RELN: variants seen among roughly 807,000 people sequenced by gnomAD.
RELN encodes the protein reelin.
A neutral mutation model predicts 427.6 loss-of-function variants in RELN; 108 were observed. The ratio of observed to expected loss-of-function variants is 0.25; its 90% CI spans 0.22 to 0.30. RELN has a LOEUF of 0.30. Ranked by LOEUF, RELN falls within the 10% of genes least tolerant of loss-of-function variation. RELN has a pLI of 1.00. For synonymous variants in RELN, 1,524 were observed against 1,513.4 expected, an observed-to-expected ratio of 1.01 and a Z score of -0.16; for missense variants, 3,715 against 4,302.8, an observed-to-expected ratio of 0.86 and a Z score of 3.82.
At chr7:103,695,657 G>C (rs1228426203) in intron 10 of RELN, among the ~76,000 whole-genome samples, 2 of 152,072 alleles carry the variant, frequency 1.3e-5, no homozygotes, top group Non-Finnish European at 2.9e-5. Context: ...ATGCCATAAA[G>C]GGTACTCAGA....
chr7:103,778,638 A>C (rs1431248055), intron 3 of RELN, among the ~76,000 whole-genome samples: 1 of 152,208 alleles, frequency 6.6e-6, no homozygotes, highest in Non-Finnish European at 1.5e-5. Flanking sequence ...TCTTGTGAGG[A>C]GTCCACACTG....
chr7:103,796,170 C>T (rs571063288), intron 3 of RELN, among the ~76,000 whole-genome samples: 1 of 152,284 alleles, frequency 6.6e-6, no homozygotes, highest in African/African-American at 2.4e-5. Context: ...TACTCAAGCA[C>T]TTATCCCTTT....
At chr7:103,928,511 C>T (rs760757909) in intron 1 of RELN, among the ~76,000 whole-genome samples, 3 of 152,196 alleles carry the variant, frequency 2.0e-5, no homozygotes, top group Non-Finnish European at 4.4e-5. Flanking sequence ...AGACCAACTA[C>T]AGTGATAGAA....
intron 24 of RELN, among the ~76,000 whole-genome samples, chr7:103,601,132 A>ATG (rs1562915671): frequency 7.3e-6 from 1 of 137,848 alleles, no homozygotes; most frequent in Non-Finnish European, 1.6e-5. Flanking sequence ...GTGTGTGTGT[A>ATG]TGTGTATGTG....
At chr7:103,744,218 G>C (rs1283407131) in intron 6 of RELN, among the ~76,000 whole-genome samples, 1 of 152,108 alleles carries the variant, frequency 6.6e-6, no homozygotes, top group Non-Finnish European at 1.5e-5. Flanking sequence ...AAACCAATGA[G>C]AACAAAGACA....
chr7:103,882,016 C>G (rs1008724525), intron 2 of RELN, among the ~76,000 whole-genome samples: 1 of 152,180 alleles, frequency 6.6e-6, no homozygotes, highest in Non-Finnish European at 1.5e-5. Flanking sequence ...ACCAACGAAT[C>G]AACTAACCAA....
chr7:103,651,268 A>G (rs1832908112), intron 15 of RELN, among the ~76,000 whole-genome samples: 1 of 152,106 alleles, frequency 6.6e-6, no homozygotes, highest in Non-Finnish European at 1.5e-5. Context: ...TATACAGAAA[A>G]AAGTGGAAAG....
At chr7:103,716,671 T>C (rs1789946091) in intron 8 of RELN, among the ~76,000 whole-genome samples, 1 of 152,226 alleles carries the variant, frequency 6.6e-6, no homozygotes, top group Non-Finnish European at 1.5e-5. Context: ...TTTTTAGTTC[T>C]AGGTGTGTGC....
At chr7:103,500,180 G>A (rs1828979563) in intron 53 of RELN, among the ~76,000 whole-genome samples, 1 of 152,142 alleles carries the variant, frequency 6.6e-6, no homozygotes, top group South Asian at 2.1e-4. Context: ...ACTGTGTTGG[G>A]TAACTGTATT....
intron 1 of RELN, among the ~76,000 whole-genome samples, chr7:103,966,585 T>G (rs905886900): frequency 2.0e-5 from 3 of 152,166 alleles, no homozygotes; most frequent in African/African-American, 7.2e-5. Context: ...AATAAGGATA[T>G]AAAATATGAA....
At chr7:103,524,976 C>T (rs747341618) in intron 46 of RELN, among the ~76,000 whole-genome samples, 1 of 152,146 alleles carries the variant, frequency 6.6e-6, no homozygotes, top group Non-Finnish European at 1.5e-5. Context: ...TGATATCCGC[C>T]TGAACCTGGG....
intron 27 of RELN, among the ~76,000 whole-genome samples, chr7:103,590,390 T>C (rs549958236): frequency 1.3e-5 from 2 of 152,088 alleles, no homozygotes; most frequent in South Asian, 4.2e-4. Flanking sequence ...GGTAAAACCC[T>C]GTCTCTACTA....
intron 1 of RELN, among the ~76,000 whole-genome samples, chr7:103,956,840 C>A (rs1796443318): frequency 6.6e-6 from 1 of 152,072 alleles, no homozygotes; most frequent in Non-Finnish European, 1.5e-5. Flanking sequence ...ACTGTCCTGG[C>A]AACTTTACAA....
chr7:103,866,984 T>G (rs1794216066), intron 2 of RELN, among the ~76,000 whole-genome samples: 1 of 152,068 alleles, frequency 6.6e-6, no homozygotes. Flanking sequence ...GTTTCAAGGA[T>G]TAAACACCAG....
intron 12 of RELN, among the ~76,000 whole-genome samples, chr7:103,660,339 G>C (rs975632584): frequency 1.3e-5 from 2 of 152,140 alleles, no homozygotes; most frequent in Non-Finnish European, 2.9e-5. Context: ...CCTTTAAATA[G>C]ACAAACCAGT....
intron 57 of RELN, among the ~76,000 whole-genome samples, chr7:103,493,903 G>A (rs569180110): frequency 7.2e-5 from 11 of 152,206 alleles, no homozygotes; most frequent in African/African-American, 2.6e-4. Context: ...AAATTTTTGA[G>A]GATAGACTCT....
At chr7:103,879,362 G>A (rs1482401830) in intron 2 of RELN, among the ~76,000 whole-genome samples, 1 of 152,156 alleles carries the variant, frequency 6.6e-6, no homozygotes, top group Non-Finnish European at 1.5e-5. Flanking sequence ...TTACAAGTCA[G>A]GCAGAGATAA....
Position 103,920,593 on chromosome 7 carries a change from T to TTTTTTTTTTTTTTGA in RELN, c.227-3409_227-3408insTCAAAAAAAAAAAAA, listed in dbSNP as rs57282777. 6.0e-4 allele frequency among the ~76,000 whole-genome samples: 78 copies of TTTTTTTTTTTTTTGA among 129,372 alleles called. 1 individual carries two copies. Among genetic ancestry groups the TTTTTTTTTTTTTTGA allele is most frequent in the African/African-American group, 2.2e-3 (72 of 32,822 alleles). 84.9% of individuals were successfully genotyped at this position (129,372 alleles called of 152,430 possible). On this transcript the variant is annotated intron_variant, in intron 1 of 64. Transcript: ENST00000428762. ...TTTTTTTTTTTGTTTTTTTTTTTTT[T>TTTTTTTTTTTTTTGA]GAGAGAGTCTCGCTCTCTTACCCAG... is the stretch of plus-strand genomic sequence containing the variant.
rs1790260836 is a variant in RELN, at chr7:103,728,159, C to T, written c.705G>A (p.Met235Ile). 6.2e-7 allele frequency: 1 copy of T among 1,613,734 alleles called. No individual in the cohort carries two copies. Among genetic ancestry groups the T allele is most frequent in the African/African-American group, 1.3e-5 (1 of 74,896 alleles). Residue 235 changes from methionine (M) to isoleucine (I), a missense_variant, in exon 7 of 65, where the codon ATG becomes ATA. Coordinates refer to ENST00000428762, the MANE Select transcript of RELN (RefSeq NM_005045.4). ...CETGEQCGAI[M>I]HGNAVTFCEP... ...CACAGAAGGTGACGGCATTGCCATGCATAATCGCGCCACACTGTTCTCCAG... is the reference window on the plus strand; with the variant it reads ...CACAGAAGGTGACGGCATTGCCATGTATAATCGCGCCACACTGTTCTCCAG...
Sources: allele counts gnomAD v4.1 joint callset (sites outside exome capture counted in the v4.1 genomes callset), GRCh38; gene constraint gnomAD v4.1.1; transcripts MANE v1.5; gene names NCBI Gene and HGNC (gene_info 2026-07-23, HGNC 2026-07-21).